Variants in XXYLT1 observed in about 807,000 individuals in gnomAD.
The protein encoded by XXYLT1 is xyloside xylosyltransferase 1.
A neutral mutation model predicts 28.9 loss-of-function variants in XXYLT1; 20 were observed. The ratio of observed to expected loss-of-function variants is 0.69; its 90% CI spans 0.49 to 1.00. XXYLT1 has a LOEUF of 1.00. Ranked by LOEUF, XXYLT1 falls within the 50% of genes least tolerant of loss-of-function variation. XXYLT1 has a pLI of 0.00. For synonymous variants in XXYLT1, 257 were observed against 253.8 expected (o/e 1.01, Z -0.12); for missense variants, 542 against 560.1 (o/e 0.97, Z 0.33).
intron 3 of XXYLT1, among the ~76,000 whole-genome samples, chr3:195,070,346 T>C (rs569413514): frequency 1.3e-5 from 2 of 151,978 alleles, no homozygotes; most frequent in East Asian, 3.9e-4. Flanking sequence ...CCAACATTGA[T>C]ATTATTGACT....
At chr3:195,232,645 T>A (rs563665239) in intron 1 of XXYLT1, among the ~76,000 whole-genome samples, 137 of 152,350 alleles carry the variant, frequency 9.0e-4, no homozygotes, top group African/African-American at 3.1e-3. Context: ...GACCAACTGG[T>A]CATTCAGAGG....
chr3:195,072,647 G>A (rs373322172), intron 3 of XXYLT1, among the ~76,000 whole-genome samples: 53 of 152,298 alleles, frequency 3.5e-4, no homozygotes, highest in African/African-American at 1.3e-3. Flanking sequence ...AGAAGGAAAG[G>A]AGGGACAGGA....
chr3:195,267,753 AG>A (rs1241853319), intron 1 of XXYLT1, among the ~76,000 whole-genome samples: 1 of 152,212 alleles, frequency 6.6e-6, no homozygotes, highest in African/African-American at 2.4e-5. Flanking sequence ...GGCTCAGGAA[AG>A]GTTTACCAAG....
intron 3 of XXYLT1, chr3:195,122,275 G>T: frequency 1.5e-6 from 1 of 668,192 alleles, no homozygotes; most frequent in East Asian, 2.7e-5. Context: ...AATTTTGGGG[G>T]GATACAATTA....
At chr3:195,074,531 G>C (rs140607440) in intron 3 of XXYLT1, among the ~76,000 whole-genome samples, 1 of 152,340 alleles carries the variant, frequency 6.6e-6, no homozygotes, top group Non-Finnish European at 1.5e-5. Context: ...TGAGAGTCCA[G>C]GAGGGAAAAG....
chr3:195,212,469 T>A (rs1332999983), intron 2 of XXYLT1, among the ~76,000 whole-genome samples: 1 of 151,508 alleles, frequency 6.6e-6, no homozygotes, highest in Non-Finnish European at 1.5e-5. Flanking sequence ...AGACAGTGAG[T>A]CTTCTGGGGC....
intron 3 of XXYLT1, among the ~76,000 whole-genome samples, chr3:195,104,365 A>C (rs924450615): frequency 1.1e-4 from 16 of 152,146 alleles, no homozygotes; most frequent in Admixed American, 6.5e-5. Context: ...TCTGAGTCCC[A>C]ATCATTCCTC....
At chr3:195,159,261 T>C (rs957989218) in intron 2 of XXYLT1, among the ~76,000 whole-genome samples, 2 of 152,122 alleles carry the variant, frequency 1.3e-5, no homozygotes, top group Non-Finnish European at 2.9e-5. Context: ...GCATGGCAGA[T>C]CTGAAAACAC....
At chr3:195,215,344 ACTAAATG>A (rs1271295221) in intron 2 of XXYLT1, among the ~76,000 whole-genome samples, 1 of 121,016 alleles carries the variant, frequency 8.3e-6, no homozygotes, top group Non-Finnish European at 1.7e-5. Flanking sequence ...ATGTAAATGG[ACTAAATG>A]CTCCAATTAA....
chr3:195,139,231 G>A (rs1032595495), intron 3 of XXYLT1, among the ~76,000 whole-genome samples: 1 of 152,220 alleles, frequency 6.6e-6, no homozygotes, highest in Non-Finnish European at 1.5e-5. Context: ...AAGCTCCCGG[G>A]TAGACAGTCC....
At chr3:195,193,464 T>C (rs1414419074) in intron 2 of XXYLT1, among the ~76,000 whole-genome samples, 1 of 152,188 alleles carries the variant, frequency 6.6e-6, no homozygotes, top group Non-Finnish European at 1.5e-5. Context: ...ACCGTCAAGA[T>C]GGGAATTCCT....
intron 1 of XXYLT1, among the ~76,000 whole-genome samples, chr3:195,263,918 C>G (rs952408538): frequency 5.9e-5 from 9 of 152,138 alleles, no homozygotes; most frequent in African/African-American, 2.2e-4. Flanking sequence ...ACTATAGTGT[C>G]GACGGGAAAA....
chr3:195,137,149 G>C (rs890719647), intron 3 of XXYLT1, among the ~76,000 whole-genome samples: 1 of 152,152 alleles, frequency 6.6e-6, no homozygotes, highest in African/African-American at 2.4e-5. Context: ...GACAGAGAAG[G>C]GGCACTGAAG....
chr3:195,134,182 C>T (rs1318114626), intron 3 of XXYLT1, among the ~76,000 whole-genome samples: 1 of 152,186 alleles, frequency 6.6e-6, no homozygotes, highest in Non-Finnish European at 1.5e-5. Context: ...AGGAAAAGAG[C>T]TGCAGTAAGC....
chr3:195,169,494 C>T (rs1208504316), intron 2 of XXYLT1, among the ~76,000 whole-genome samples: 2 of 152,234 alleles, frequency 1.3e-5, no homozygotes, highest in East Asian at 1.9e-4. Flanking sequence ...CCAGCTGCCA[C>T]GTCCCCTCAT....
chr3:195,248,469 C>T lies in XXYLT1; in HGVS notation c.505-21613G>A, dbSNP rs560036561. 3.3e-5 allele frequency among the ~76,000 whole-genome samples: 5 copies of T among 152,250 alleles called. No individual in the cohort carries two copies. The South Asian group carries it at 8.3e-4, about 25-fold the overall frequency. On this transcript the variant is annotated intron_variant, in intron 1 of 3. Transcript: ENST00000310380. ...AGGAGGAGTTTCCCTGCACAGCTCC[C>T]GCTTCCCTGAACAACAACACCACCA...
At chr3:195,096,500 A>G (rs551861905) in intron 3 of XXYLT1, among the ~76,000 whole-genome samples, 2 of 152,286 alleles carry the variant, frequency 1.3e-5, no homozygotes, top group Non-Finnish European at 2.9e-5. Context: ...CATGCTGACA[A>G]ACACACACGA....
At chr3:195,229,871 T>C (rs1724225221) in intron 1 of XXYLT1, among the ~76,000 whole-genome samples, 1 of 152,254 alleles carries the variant, frequency 6.6e-6, no homozygotes, top group Non-Finnish European at 1.5e-5. Context: ...ATGTCTTCGA[T>C]ATACTTAATT....
intron 1 of XXYLT1, among the ~76,000 whole-genome samples, chr3:195,246,303 T>A (rs928107875): frequency 6.6e-6 from 1 of 152,208 alleles, no homozygotes; most frequent in Non-Finnish European, 1.5e-5. Flanking sequence ...TCCAGTGCCC[T>A]CTCTGTGCCA....
Sources: allele counts gnomAD v4.1 joint callset (sites outside exome capture counted in the v4.1 genomes callset), GRCh38; gene constraint gnomAD v4.1.1; transcripts MANE v1.5; gene names NCBI Gene and HGNC (gene_info 2026-07-23, HGNC 2026-07-21).